Variants in HFM1 observed in about 807,000 individuals in gnomAD.
HFM1 encodes helicase for meiosis 1, also known as probable ATP-dependent DNA helicase HFM1.
A neutral mutation model predicts 192.1 loss-of-function variants in HFM1; 169 were observed. The observed-to-expected ratio is 0.88, with a 90% CI of 0.78 to 1.00. The LOEUF (loss-of-function observed/expected upper bound fraction) is 1.00. HFM1 is among the 50% of genes least tolerant of loss of function. The pLI is 0.00. For synonymous variants in HFM1, 525 were observed against 537.8 expected (o/e 0.98, Z 0.33); for missense variants, 1,661 against 1,668.0 (o/e 1.00, Z 0.07).
intron 30 of HFM1, among the ~76,000 whole-genome samples, chr1:91,291,668 T>C (rs934456384): frequency 5.9e-5 from 9 of 151,840 alleles, no homozygotes; most frequent in African/African-American, 1.5e-4. Flanking sequence ...TTCCAATCAA[T>C]AGAAAAAGAG....
intron 13 of HFM1, among the ~76,000 whole-genome samples, chr1:91,360,324 A>G (rs913926223): frequency 4.6e-5 from 7 of 152,326 alleles, no homozygotes; most frequent in African/African-American, 1.7e-4. Context: ...AAAGACACAC[A>G]GGCTCAAAAT....
At chr1:91,319,981 T>C (rs1322507770) in intron 23 of HFM1, among the ~76,000 whole-genome samples, 2 of 152,158 alleles carry the variant, frequency 1.3e-5, no homozygotes, top group African/African-American at 4.8e-5. Flanking sequence ...GTGTTAGTTG[T>C]TCAAGGGGAA....
intron 30 of HFM1, among the ~76,000 whole-genome samples, chr1:91,284,095 T>G (rs1570774088): frequency 6.6e-6 from 1 of 152,204 alleles, no homozygotes; most frequent in South Asian, 2.1e-4. Flanking sequence ...GAGTCCTTGA[T>G]TTTGCAACTT....
chr1:91,378,962 A>G, intron 9 of HFM1, 101 bp downstream of exon 9: 1 of 640,892 alleles, frequency 1.6e-6, no homozygotes, highest in Non-Finnish European at 2.5e-6. Flanking sequence ...CATTGTAAAT[A>G]TATGTTTCTA....
intron 18 of HFM1, among the ~76,000 whole-genome samples, 175 bp downstream of exon 18, chr1:91,350,563 G>A (rs1656794209): frequency 6.6e-6 from 1 of 152,002 alleles, no homozygotes; most frequent in Non-Finnish European, 1.5e-5. Context: ...AAGTAAAACA[G>A]ATAAAAATTT....
intron 13 of HFM1, among the ~76,000 whole-genome samples, chr1:91,358,046 C>T (rs1657982706): frequency 6.6e-6 from 1 of 151,866 alleles, no homozygotes; most frequent in African/African-American, 2.4e-5. Flanking sequence ...CAATACAATC[C>T]CTATCAAAAT....
intron 20 of HFM1, chr1:91,328,683 T>C: frequency 6.3e-7 from 1 of 1,599,920 alleles, no homozygotes; most frequent in Non-Finnish European, 8.5e-7. Flanking sequence ...CCAAATGCAG[T>C]GAACTGCGGG....
chr1:91,402,446 G>C (rs1235786244), intron 1 of HFM1, among the ~76,000 whole-genome samples: 3 of 151,966 alleles, frequency 2.0e-5, no homozygotes. Context: ...CTATTAATCA[G>C]TTACCAACAA....
At position 91,288,913 on chromosome 1, in the gene HFM1, G is replaced by A. The variant is rs1251598574; in HGVS notation, c.3392-11851C>T. On this transcript the variant is annotated intron_variant, in intron 30 of 38. Transcript: ENST00000370425. The stretch of plus-strand genomic sequence containing the variant: ...GGGTACACCTCCCAGACGGGGTGGC[G>A]GCCGGGCAGAGGGGCTCCTCACTTC... Among the ~76,000 whole-genome samples, 12 of 152,146 alleles carry A rather than the reference G, an allele frequency of 7.9e-5. No homozygotes were observed. The East Asian group carries it at 1.7e-3, about 22-fold the overall frequency.
At chr1:91,353,222 G>A (rs1557899144) in intron 14 of HFM1, 34 bp downstream of exon 14, 1 of 1,568,814 alleles carries the variant, frequency 6.4e-7, no homozygotes, top group Non-Finnish European at 8.8e-7. Context: ...ATCTATATGT[G>A]AAAATGCTAT....
At chr1:91,275,872 G>C (rs1381197669) in intron 32 of HFM1, among the ~76,000 whole-genome samples, 2 of 152,026 alleles carry the variant, frequency 1.3e-5, no homozygotes, top group Admixed American at 1.3e-4. Context: ...ATACAATTTT[G>C]ATCATGTCAC....
chr1:91,394,921 TA>T lies in HFM1; in HGVS notation c.185-520del, dbSNP rs1365281609. On this transcript the variant is annotated intron_variant, in intron 3 of 38. Coordinates refer to ENST00000370425, the MANE Select transcript of HFM1 (RefSeq NM_001017975.6). Reference sequence around the variant, plus strand: ...TCTTTAGAGGCTTTGCAAGAATTTTTAGGGAAGTTTAGGGGGAATTTGGACG... The same window carrying T: ...TCTTTAGAGGCTTTGCAAGAATTTTTGGGAAGTTTAGGGGGAATTTGGACG... Among the ~76,000 whole-genome samples the T allele has an allele frequency of 4.6e-5, 7 of 152,120 alleles. No individual in the cohort carries two copies. The East Asian group carries it at 9.6e-4, about 21-fold the overall frequency.
intron 13 of HFM1, among the ~76,000 whole-genome samples, chr1:91,357,963 A>G (rs577923062): frequency 6.4e-4 from 98 of 152,346 alleles, no homozygotes; most frequent in African/African-American, 2.0e-3. Flanking sequence ...ATAAATGGAA[A>G]GATATCCTGT....
At chr1:91,288,634 G>A (rs76153319) in intron 30 of HFM1, among the ~76,000 whole-genome samples, 8 of 151,986 alleles carry the variant, frequency 5.3e-5, no homozygotes, top group Non-Finnish European at 1.2e-4. Context: ...ATCTTGCACC[G>A]CCCTTAATCC....
chr1:91,351,568 T>TA lies in HFM1; in HGVS notation c.2052dup (p.Arg685Ter). The TA allele has an allele frequency of 6.3e-7, 1 of 1,586,586 alleles. No homozygotes were observed. Among genetic ancestry groups the TA allele is most frequent in the Non-Finnish European group, 8.6e-7 (1 of 1,161,022 alleles). Reference sequence around the variant, plus strand: ...TACTACCTGCTTTCTACAGTGTCTCTACAAGCTAACATCTGAATGTACTTG... The same window carrying TA: ...TACTACCTGCTTTCTACAGTGTCTCTAACAAGCTAACATCTGAATGTACTTG... On this transcript the variant is annotated frameshift_variant, in exon 17 of 39. Coordinates refer to ENST00000370425, the MANE Select transcript of HFM1 (RefSeq NM_001017975.6). LOFTEE classifies it high-confidence loss of function.
rs762376189 is a variant in HFM1 at position 91,314,611 on chromosome 1, A to G, written c.3141-551T>C. Among the ~76,000 whole-genome samples the G allele has an allele frequency of 3.2e-4, 49 of 152,114 alleles. 1 individual carries two copies. Among genetic ancestry groups the G allele is most frequent in the African/African-American group, 1.2e-4 (5 of 41,424 alleles). ...AAGTTGCATTTACCATTTTAGTCCC[A>G]ATAAGAATATATACTTTGTATCAAT... On this transcript the variant is annotated intron_variant, in intron 28 of 38. Transcript: ENST00000370425.
At chr1:91,288,094 A>G (rs981666322) in intron 30 of HFM1, among the ~76,000 whole-genome samples, 4 of 151,478 alleles carry the variant, frequency 2.6e-5, no homozygotes, top group Non-Finnish European at 5.9e-5. Context: ...ACTCTGCAGG[A>G]TATTATCCAG....
intron 30 of HFM1, among the ~76,000 whole-genome samples, chr1:91,309,656 T>C (rs975743257): frequency 1.3e-5 from 2 of 152,172 alleles, no homozygotes; most frequent in African/African-American, 4.8e-5. Flanking sequence ...GTGTGTAATG[T>C]ATATAAAGGA....
At chr1:91,308,874 C>A (rs539021948) in intron 30 of HFM1, among the ~76,000 whole-genome samples, 1 of 152,298 alleles carries the variant, frequency 6.6e-6, no homozygotes, top group South Asian at 2.1e-4. Flanking sequence ...ATCATGTAAA[C>A]CCCTTTACAG....
Sources: allele counts gnomAD v4.1 joint callset (sites outside exome capture counted in the v4.1 genomes callset), GRCh38; gene constraint gnomAD v4.1.1; transcripts MANE v1.5; gene names NCBI Gene and HGNC (gene_info 2026-07-23, HGNC 2026-07-21).